Variants in PBXIP1 observed in about 807,000 individuals in gnomAD.
PBXIP1 encodes the protein pre-B-cell leukemia transcription factor-interacting protein 1.
Under a neutral mutation model 73.7 loss-of-function variants are expected in PBXIP1, and 73 were observed. That is an observed-to-expected ratio of 0.99 (90% CI 0.82 to 1.20). The LOEUF (loss-of-function observed/expected upper bound fraction) is 1.20. Among genes scored for constraint, PBXIP1 ranks in the 50% most tolerant of loss-of-function variants. PBXIP1 has a pLI of 0.00. For missense variants in PBXIP1, 818 were observed against 911.4 expected, an observed-to-expected ratio of 0.90 and a Z score of 1.32; for synonymous variants, 330 against 366.9, an observed-to-expected ratio of 0.90 and a Z score of 1.15.
Position 154,946,107 on chromosome 1 carries a change from T to TTGGCC in PBXIP1, c.1562_1566dup (p.Arg523GlyfsTer58), listed in dbSNP as rs1356271912. 1.2e-6 allele frequency: 2 copies of TTGGCC among 1,613,974 alleles called. No homozygotes were observed. The highest frequency in any genetic ancestry group is 8.5e-7 in the Non-Finnish European group (1 of 1,179,984). On this transcript the variant is annotated frameshift_variant, in exon 10 of 11. Transcript: ENST00000368463. LOFTEE classifies it high-confidence loss of function. ...TTCTTGCTCCCCGACTCCTCCACCC[T>TTGGCC]TGGCCTGCCCTCCTTCCACCTTCCT...
rs1454470846 is a variant in PBXIP1 at position 154,946,095 on chromosome 1, A to G, written c.1579T>C (p.Ser527Pro). ...CGCTTGCCCTCCTTCTTGCTCCCCGACTCCTCCACCCTTGGCCTGCCCTCC... is the reference window on the plus strand; with the variant it reads ...CGCTTGCCCTCCTTCTTGCTCCCCGGCTCCTCCACCCTTGGCCTGCCCTCC... ...WKEGRPRVEE[S>P]GSKKEGKRQG... Residue 527 changes from serine to proline, a missense_variant, in exon 10 of 11, where the codon TCG (serine) becomes CCG (proline). By Grantham distance (74) the Ser-to-Pro change is moderately conservative. Coordinates refer to ENST00000368463, the MANE Select transcript of PBXIP1 (RefSeq NM_020524.4). 6 of 1,611,494 alleles carry G rather than the reference A, an allele frequency of 3.7e-6. No homozygotes were observed. Among genetic ancestry groups the G allele is most frequent in the African/African-American group, 1.4e-5 (1 of 74,020 alleles).
chr1:154,947,766 C>T, intron 7 of PBXIP1, 54 bp from the exon 8 acceptor site: 4 of 1,551,018 alleles, frequency 2.6e-6, no homozygotes, highest in Admixed American at 1.7e-5. Flanking sequence ...AGCCCATTCT[C>T]CCCACACCTT....
chr1:154,945,190 TG>T, intron 10 of PBXIP1, 73 bp from the exon 11 acceptor site: 2 of 1,106,964 alleles, frequency 1.8e-6, no homozygotes, highest in African/African-American at 1.5e-5. Context: ...GAGAGGACCC[TG>T]CTCCTCCCAA....
chr1:154,949,204 C>T (rs1654929895), intron 5 of PBXIP1, among the ~76,000 whole-genome samples: 2 of 151,724 alleles, frequency 1.3e-5, no homozygotes, highest in Non-Finnish European at 2.9e-5. Context: ...CTGGCTCTGT[C>T]GTCCAGGCTG....
At chr1:154,954,111 G>C (rs1655095886) in intron 1 of PBXIP1, among the ~76,000 whole-genome samples, 1 of 152,210 alleles carries the variant, frequency 6.6e-6, no homozygotes, top group Non-Finnish European at 1.5e-5. Context: ...AAGGTTGACA[G>C]ACTCAACTTG....
At position 154,951,385 on chromosome 1, in the gene PBXIP1, C is replaced by T. The variant is rs1187892712; in HGVS notation, c.256G>A (p.Gly86Ser). ...EETEVKGTLE[G>S]DVCGVEPPGP... ...GGAGGCTCCACACCACAAACATCAC[C>T]TTCCAGGGTGCCCTAATGCAGATGC... The change falls in exon 5 of 11, where the codon GGT (glycine) becomes AGT (serine). Residue 86 changes from glycine to serine, a missense_variant. Physicochemically the swap from Gly to Ser is moderately conservative, Grantham distance 56. Coordinates refer to ENST00000368463, the MANE Select transcript of PBXIP1 (RefSeq NM_020524.4). This position sits in a 1 kb window ranked among gnomAD's most constrained non-coding sequence, Gnocchi z 4.3. 1 of 1,614,164 alleles carries T rather than the reference C, an allele frequency of 6.2e-7. No individual in the cohort carries two copies. Among genetic ancestry groups the T allele is most frequent in the Admixed American group, 1.7e-5 (1 of 60,026 alleles).
In PBXIP1 at chr1:154,945,703, C is replaced by G; in HGVS notation, c.1971G>C (p.Arg657=). ...TGTCCTCCAGGGCATCCACAAAATC[C>G]CGGAAGCGGAGGCGGTCATGACGGA... is the stretch of plus-strand genomic sequence containing the variant. ...GIFRHDRLRF[R]DFVDALEDSL... The change falls in exon 10 of 11, where the codon CGG becomes CGC. Residue 657 remains arginine, a synonymous_variant. Transcript: ENST00000368463. 2 of 1,614,220 alleles carry G rather than the reference C, an allele frequency of 1.2e-6. No individual in the cohort carries two copies. The highest frequency in any genetic ancestry group is 4.5e-5 in the East Asian group (2 of 44,888).
chr1:154,954,858 G>A (rs1206784108), intron 1 of PBXIP1: 1 of 425,322 alleles, frequency 2.4e-6, no homozygotes. Context: ...GTACTGGATT[G>A]TGATCCCTCA....
intron 2 of PBXIP1, among the ~76,000 whole-genome samples, chr1:154,952,858 C>T (rs1655053511): frequency 1.3e-5 from 2 of 152,144 alleles, no homozygotes; most frequent in South Asian, 4.1e-4. Context: ...AGCGTCATCC[C>T]CAAGGTCAAC....
At chr1:154,952,520 G>T (rs1349372325) in intron 2 of PBXIP1, among the ~76,000 whole-genome samples, 2 of 152,024 alleles carry the variant, frequency 1.3e-5, no homozygotes, top group Admixed American at 1.3e-4. Context: ...ACACAGCCTC[G>T]GCCTCCTCCC....
chr1:154,946,290 G>T lies in PBXIP1; in HGVS notation c.1384C>A (p.Gln462Lys). The change falls in exon 10 of 11, where the codon CAG becomes AAG. Residue 462 changes from glutamine to lysine, a missense_variant. By Grantham distance (53) the Gln-to-Lys change is moderately conservative. Transcript: ENST00000368463. ...VSANASKAWHQKSHFQNSREW... is the reference protein window; with the variant it reads ...VSANASKAWHKKSHFQNSREW... Reference sequence around the variant, plus strand: ...CTAGAATTCTGGAAGTGGGACTTCTGGTGCCAGGCCTTTGAGGCATTGGCA... The same window carrying T: ...CTAGAATTCTGGAAGTGGGACTTCTTGTGCCAGGCCTTTGAGGCATTGGCA... The T allele has an allele frequency of 3.1e-6, 5 of 1,614,172 alleles. No individual in the cohort carries two copies. Among genetic ancestry groups the T allele is most frequent in the Non-Finnish European group, 4.2e-6 (5 of 1,180,018 alleles).
Position 154,946,693 on chromosome 1 carries a change from C to G in PBXIP1, c.981G>C (p.Leu327=). 1 of 1,612,676 alleles carries G rather than the reference C, an allele frequency of 6.2e-7. No homozygotes were observed. The highest frequency in any genetic ancestry group is 8.5e-7 in the Non-Finnish European group (1 of 1,179,036). Residue 327 remains leucine, a synonymous_variant, in exon 10 of 11, where the codon CTG becomes CTC. Coordinates refer to ENST00000368463, the MANE Select transcript of PBXIP1 (RefSeq NM_020524.4). ...LQQGEAFQRA[L]ESELQQLRAR... ...CCCGCAGCTGCTGCAGCTCTGACTC[C>G]AGAGCCCGCTGGAAGGCTTCGCCCT...
Position 154,946,243 on chromosome 1 carries a change from C to T in PBXIP1, c.1431G>A (p.Lys477=). 1 of 1,614,216 alleles carries T rather than the reference C, an allele frequency of 6.2e-7. No individual in the cohort carries two copies. Among genetic ancestry groups the T allele is most frequent in the Non-Finnish European group, 8.5e-7 (1 of 1,180,028 alleles). ...QNSREWSGKE[K]WWDGQRDRKA... The stretch of plus-strand genomic sequence containing the variant: ...TCCGGTCTCTCTGCCCATCCCACCA[C>T]TTTTCCTTTCCACTCCACTCCCTAG... The change falls in exon 10 of 11, where the codon AAG becomes AAA. Residue 477 remains lysine (K), a synonymous_variant. Coordinates refer to ENST00000368463, the MANE Select transcript of PBXIP1 (RefSeq NM_020524.4).
At position 154,948,491 on chromosome 1, in the gene PBXIP1, A is replaced by G. The variant is rs978938583; in HGVS notation, c.410-125T>C. On this transcript the variant is annotated intron_variant, in intron 5 of 10. Transcript: ENST00000368463. ...CAGCCCTGACCCCAGAGAGGGGCACATGAAGACCTTGCCCACTTGCCCACT... is the reference window on the plus strand; with the variant it reads ...CAGCCCTGACCCCAGAGAGGGGCACGTGAAGACCTTGCCCACTTGCCCACT... 12 of 668,930 alleles carry G rather than the reference A, an allele frequency of 1.8e-5. No individual in the cohort carries two copies. In the East Asian group the frequency reaches 2.5e-4, roughly 14 times the overall value. The allele number at this position is 668,930 out of a possible 1,614,324, so 41.4% of individuals were successfully genotyped here.
At chr1:154,949,211 G>A (rs1392703407) in intron 5 of PBXIP1, among the ~76,000 whole-genome samples, 1 of 151,562 alleles carries the variant, frequency 6.6e-6, no homozygotes, top group Non-Finnish European at 1.5e-5. Flanking sequence ...TGTCGTCCAG[G>A]CTGGAGTGCA....
rs770882307 is a variant in PBXIP1 at position 154,947,982 on chromosome 1, C to T, written c.667G>A (p.Gly223Arg). Residue 223 changes from glycine to arginine, a missense_variant and splice_region_variant, in exon 7 of 11, where the codon GGG becomes AGG. Coordinates refer to ENST00000368463, the MANE Select transcript of PBXIP1 (RefSeq NM_020524.4). ...ACAAGACAGGCTCCTCCCTACTCACCAGTCTCAGACTCTGAGAGGCCACCT... is the reference window on the plus strand; with the variant it reads ...ACAAGACAGGCTCCTCCCTACTCACTAGTCTCAGACTCTGAGAGGCCACCT... ...FSGGLSESET[G>R]PMEEVERQVL... is the part of the protein sequence containing the mutation. The T allele has an allele frequency of 1.9e-6, 3 of 1,613,562 alleles. No individual in the cohort carries two copies. The highest frequency in any genetic ancestry group is 2.7e-5 in the African/African-American group (2 of 74,860).
intron 7 of PBXIP1, 23 bp downstream of exon 7, chr1:154,947,959 A>G (rs1311711334): frequency 1.2e-6 from 2 of 1,612,364 alleles, no homozygotes; most frequent in South Asian, 2.2e-5. Flanking sequence ...TCCCCAGCAC[A>G]AGACAGGCTC....
chr1:154,951,440 C>T lies in PBXIP1; in HGVS notation c.243+31G>A, dbSNP rs1317966030. The T allele has an allele frequency of 1.2e-6, 2 of 1,614,020 alleles. No homozygotes were observed. The highest frequency in any genetic ancestry group is 1.7e-6 in the Non-Finnish European group (2 of 1,179,978). On this transcript the variant is annotated intron_variant, in intron 4 of 10. Transcript: ENST00000368463. This position sits in a 1 kb window ranked among gnomAD's most constrained non-coding sequence, Gnocchi z 4.3. ...GTGAGCAGCTGCTAGCCCTCCCCGC[C>T]TCCCTTCCTTCCCACAGCAAATCTC... is the stretch of plus-strand genomic sequence containing the variant.
chr1:154,946,839 AGTTCTTGT>A, intron 9 of PBXIP1, 36 bp from the exon 10 acceptor site: 1 of 1,506,218 alleles, frequency 6.6e-7, no homozygotes. Flanking sequence ...AGTCACAAAG[AGTTCTTGT>A]CAGGATAGCC....
Sources: gnomAD v4.1 joint callset for allele counts (sites outside exome capture counted in the v4.1 genomes callset) on GRCh38, gnomAD v4.1.1 for gene constraint, Gnocchi (gnomAD v3.1) non-coding constraint, MANE v1.5 for transcripts, NCBI Gene and HGNC (gene_info 2026-07-23, HGNC 2026-07-21) for gene names.